The following PAK5 variants were observed in gnomAD, a reference collection of about 807,000 sequenced individuals.
The protein encoded by PAK5 is serine/threonine-protein kinase PAK 5.
Under a neutral mutation model 65.9 loss-of-function variants are expected in PAK5, and 16 were observed. The observed-to-expected ratio is 0.24, with a 90% CI of 0.16 to 0.37. PAK5 has a LOEUF of 0.37. Ranked by LOEUF, PAK5 falls within the 10% of genes least tolerant of loss-of-function variation. The pLI, the probability that PAK5 is intolerant of heterozygous loss-of-function variation, is 1.00. For synonymous variants in PAK5, 371 were observed against 354.9 expected (o/e 1.05, Z -0.51); for missense variants, 785 against 903.9 (o/e 0.87, Z 1.69).
chr20:9,606,170 C>G (rs2123126239), intron 3 of PAK5, among the ~76,000 whole-genome samples: 1 of 152,242 alleles, frequency 6.6e-6, no homozygotes, highest in South Asian at 2.1e-4. Context: ...TGGTACTATT[C>G]TCATGATAAT....
intron 1 of PAK5, among the ~76,000 whole-genome samples, chr20:9,803,358 A>C (rs2049194818): frequency 6.6e-6 from 1 of 152,144 alleles, no homozygotes; most frequent in Admixed American, 6.5e-5. Context: ...AAGCAAGGGC[A>C]CATCCAAGCA....
At chr20:9,725,353 A>G (rs2048264046) in intron 1 of PAK5, among the ~76,000 whole-genome samples, 1 of 152,060 alleles carries the variant, frequency 6.6e-6, no homozygotes, top group Admixed American at 6.6e-5. Context: ...GAGAAATTAA[A>G]CTTTTCTGCT....
rs200207259 is a variant in PAK5 at position 9,618,784 on chromosome 20, CAACTT to C, written c.204+25336_204+25340del. ...ACAGGTACAGTTCTATAAGTACAAG[CAACTT>C]AAGGAAAAGCTGAGATGAATCGATA... is the stretch of plus-strand genomic sequence containing the variant. On this transcript the variant is annotated intron_variant, in intron 3 of 9. Transcript: ENST00000353224. Among the ~76,000 whole-genome samples, 1,112 of 151,710 alleles carry C rather than the reference CAACTT, an allele frequency of 7.3e-3. 20 individuals carry two copies. Among genetic ancestry groups the C allele is most frequent in the African/African-American group, 0.025 (1,017 of 41,328 alleles).
intron 1 of PAK5, among the ~76,000 whole-genome samples, chr20:9,807,899 TCCC>T (rs1326146606): frequency 1.3e-5 from 2 of 152,110 alleles, no homozygotes; most frequent in African/African-American, 4.8e-5. Context: ...AAATCTGAGA[TCCC>T]GAGTTAGCAC....
chr20:9,721,320 G>A (rs1381012981), intron 1 of PAK5, among the ~76,000 whole-genome samples: 2 of 151,966 alleles, frequency 1.3e-5, no homozygotes, highest in African/African-American at 2.4e-5. Flanking sequence ...CTAGCATGCT[G>A]GAGTGCTCCC....
intron 1 of PAK5, among the ~76,000 whole-genome samples, chr20:9,743,952 C>T (rs936947684): frequency 2.6e-5 from 4 of 152,126 alleles, no homozygotes; most frequent in Non-Finnish European, 5.9e-5. Context: ...TCATATATAT[C>T]CTTACAACAG....
chr20:9,798,271 C>T, intron 1 of PAK5, among the ~76,000 whole-genome samples: 1 of 152,012 alleles, frequency 6.6e-6, no homozygotes, highest in East Asian at 1.9e-4. Flanking sequence ...TGGTTCATAG[C>T]TATTGCTACG....
At chr20:9,830,021 C>T (rs1166870468) in intron 1 of PAK5, among the ~76,000 whole-genome samples, 1 of 152,128 alleles carries the variant, frequency 6.6e-6, no homozygotes, top group Non-Finnish European at 1.5e-5. Context: ...CCAGGAGCCC[C>T]ATGAGCAGTG....
intron 1 of PAK5, among the ~76,000 whole-genome samples, chr20:9,799,635 A>C (rs958442287): frequency 6.6e-6 from 1 of 152,104 alleles, no homozygotes; most frequent in East Asian, 1.9e-4. Flanking sequence ...TCTAATGATA[A>C]TGTGCCTTTC....
chr20:9,602,327 TAA>T (rs2046375828), intron 3 of PAK5, among the ~76,000 whole-genome samples: 1 of 144,122 alleles, frequency 6.9e-6, no homozygotes. Flanking sequence ...AATAAATAAA[TAA>T]ATAAATAAAT....
chr20:9,606,099 G>A (rs777728731), intron 3 of PAK5, among the ~76,000 whole-genome samples: 5 of 152,150 alleles, frequency 3.3e-5, no homozygotes, highest in South Asian at 2.1e-4. Flanking sequence ...GGTAGGGCCC[G>A]GTGGGAGGTG....
chr20:9,616,327 T>G (rs1273139282), intron 3 of PAK5, among the ~76,000 whole-genome samples: 2 of 152,178 alleles, frequency 1.3e-5, no homozygotes, highest in African/African-American at 4.8e-5. Flanking sequence ...GAGTTTCAGG[T>G]GCTCCTCAAA....
chr20:9,838,093 T>C lies in PAK5; in HGVS notation c.-162+669A>G, dbSNP rs929601181. Among the ~76,000 whole-genome samples, 5 of 152,056 alleles carry C rather than the reference T, an allele frequency of 3.3e-5. No homozygotes were observed. Among genetic ancestry groups the C allele is most frequent in the African/African-American group, 1.2e-4 (5 of 41,414 alleles). ...CATGGCACACAATTTTGACAAGAGT[T>C]TGGAACCAAGATCCTCTTCCACGCC... On this transcript the variant is annotated intron_variant, in intron 1 of 9. Transcript: ENST00000353224. The surrounding 1 kb of genome is among the most constrained non-coding windows in gnomAD (Gnocchi z 4.5).
At chr20:9,707,378 G>T (rs1461986054) in intron 2 of PAK5, among the ~76,000 whole-genome samples, 1 of 152,154 alleles carries the variant, frequency 6.6e-6, no homozygotes, top group Non-Finnish European at 1.5e-5. Context: ...TTAAAGTGCT[G>T]GGATTATAGG....
intron 3 of PAK5, among the ~76,000 whole-genome samples, chr20:9,592,255 T>C (rs2046185552): frequency 1.3e-5 from 2 of 152,206 alleles, no homozygotes; most frequent in African/African-American, 2.4e-5. Flanking sequence ...GTTCAATATT[T>C]CAGTGATAGG....
chr20:9,614,606 A>G (rs34643782), intron 3 of PAK5, among the ~76,000 whole-genome samples: 1,706 of 152,348 alleles, frequency 0.011, 14 homozygotes, highest in Non-Finnish European at 0.018. Flanking sequence ...ACTTCCTTAG[A>G]GGAACAAAGG....
At chr20:9,624,577 C>A (rs1339979461) in intron 3 of PAK5, among the ~76,000 whole-genome samples, 1 of 123,816 alleles carries the variant, frequency 8.1e-6, no homozygotes, top group Non-Finnish European at 1.7e-5. Flanking sequence ...TTTCTCCTTA[C>A]CTCTCTGTCT....
chr20:9,807,492 C>T (rs2049246733), intron 1 of PAK5, among the ~76,000 whole-genome samples: 1 of 152,048 alleles, frequency 6.6e-6, no homozygotes, highest in African/African-American at 2.4e-5. Context: ...CCCTGTGACC[C>T]AATCCCACTA....
intron 2 of PAK5, among the ~76,000 whole-genome samples, chr20:9,681,999 G>A (rs1057418792): frequency 2.6e-5 from 4 of 152,134 alleles, no homozygotes; most frequent in South Asian, 2.1e-4. Context: ...TTGTACAAAC[G>A]CTTCCACCTA....
Sources: allele counts gnomAD v4.1 joint callset (sites outside exome capture counted in the v4.1 genomes callset), GRCh38; gene constraint gnomAD v4.1.1; non-coding constraint Gnocchi (gnomAD v3.1); transcripts MANE v1.5; gene names NCBI Gene and HGNC (gene_info 2026-07-23, HGNC 2026-07-21).